SLC10A2: variants seen among roughly 807,000 people sequenced by gnomAD.
The protein encoded by SLC10A2 is solute carrier family 10 member 2.
A neutral mutation model predicts 27.1 loss-of-function variants in SLC10A2; 34 were observed. That is an observed-to-expected ratio of 1.26 (90% CI 0.96 to 1.67). SLC10A2 has a LOEUF of 1.67. Ranked by LOEUF, SLC10A2 falls within the 40% of genes most tolerant of loss-of-function variation. SLC10A2 has a pLI of 0.00. For synonymous variants in SLC10A2, 205 were observed against 174.0 expected (o/e 1.18, Z -1.40); for missense variants, 530 against 444.4 (o/e 1.19, Z -1.73).
At position 103,044,123 on chromosome 13, in the gene SLC10A2, A is replaced by C. The variant is rs1328476299; in HGVS notation, c.*2010T>G. ...ATTCATTTAAAAATAGAGAGCTATC[A>C]TTTTAGAAAGCTCAGCTATTTTTCT... On this transcript the variant is annotated 3_prime_UTR_variant, in exon 6 of 6. Transcript: ENST00000245312. 1 of 152,216 alleles carries C rather than the reference A, an allele frequency of 6.6e-6. No homozygotes were observed. The highest frequency in any genetic ancestry group is 1.5e-5 in the Non-Finnish European group (1 of 68,032). The allele number at this position is 152,216 out of a possible 1,614,324, so 9.4% of individuals were successfully genotyped here. A position where few individuals can be genotyped will look rare whatever the true frequency, so the allele number is the denominator to read the frequency against.
At chr13:103,063,241 T>G (rs1013279694) in intron 1 of SLC10A2, among the ~76,000 whole-genome samples, 4 of 152,180 alleles carry the variant, frequency 2.6e-5, no homozygotes, top group African/African-American at 9.7e-5. Context: ...CACTAGAGAT[T>G]GCAAAATGCG....
intron 2 of SLC10A2, among the ~76,000 whole-genome samples, chr13:103,057,528 G>A (rs1162268738): frequency 2.0e-5 from 3 of 152,146 alleles, no homozygotes; most frequent in African/African-American, 4.8e-5. Context: ...GCAGTTTTCT[G>A]TTGTAACACT....
chr13:103,058,437 C>T (rs1876007559), intron 1 of SLC10A2, 55 bp from the exon 2 acceptor site: 1 of 1,051,638 alleles, frequency 9.5e-7, no homozygotes. Context: ...AGGGAAGATG[C>T]TGTTTTATTT....
In SLC10A2 at chr13:103,045,938, A is replaced by C; in HGVS notation, c.*195T>G. Reference sequence around the variant, plus strand: ...ACATATATAAAACATATACATATATATAGGAAACAATATTTGTCCCATTAA... The same window carrying C: ...ACATATATAAAACATATACATATATCTAGGAAACAATATTTGTCCCATTAA... On this transcript the variant is annotated 3_prime_UTR_variant, in exon 6 of 6. Coordinates refer to ENST00000245312, the MANE Select transcript of SLC10A2 (RefSeq NM_000452.3). 1.8e-6 allele frequency: 1 copy of C among 563,176 alleles called. No individual in the cohort carries two copies. Among genetic ancestry groups the C allele is most frequent in the Admixed American group, 3.0e-5 (1 of 33,090 alleles). 34.9% of individuals were successfully genotyped at this position (563,176 alleles called of 1,614,324 possible). A position where few individuals can be genotyped will look rare whatever the true frequency, so the allele number is the denominator to read the frequency against.
At chr13:103,062,309 C>G (rs1444910886) in intron 1 of SLC10A2, among the ~76,000 whole-genome samples, 1 of 152,156 alleles carries the variant, frequency 6.6e-6, no homozygotes, top group Non-Finnish European at 1.5e-5. Context: ...TGGGTGATTC[C>G]AATTCTGACT....
chr13:103,059,333 A>G lies in SLC10A2; in HGVS notation c.378-951T>C, dbSNP rs192324361. On this transcript the variant is annotated intron_variant, in intron 1 of 5. Coordinates refer to ENST00000245312, the MANE Select transcript of SLC10A2 (RefSeq NM_000452.3). ...CATTGTTTTCTTGGAATCTAATTAA[A>G]CTAAAGAGCTTCTGCACAGCAAAGG... Among the ~76,000 whole-genome samples the G allele has an allele frequency of 2.0e-5, 3 of 152,328 alleles. 1 individual carries two copies. The highest frequency in any genetic ancestry group is 4.4e-5 in the Non-Finnish European group (3 of 68,032).
intron 2 of SLC10A2, among the ~76,000 whole-genome samples, chr13:103,053,120 GTGTGTGTA>G (rs1290719746): frequency 2.3e-5 from 3 of 128,964 alleles, no homozygotes; most frequent in East Asian, 4.6e-4. Flanking sequence ...GTGTGTGTGT[GTGTGTGTA>G]TGGCATACAA....
At chr13:103,061,005 G>A (rs1238088486) in intron 1 of SLC10A2, among the ~76,000 whole-genome samples, 1 of 152,188 alleles carries the variant, frequency 6.6e-6, no homozygotes, top group Non-Finnish European at 1.5e-5. Context: ...GTTCATCAGA[G>A]AGCTTAACTT....
Position 103,062,245 on chromosome 13 carries a change from A to G in SLC10A2, c.377+3628T>C, listed in dbSNP as rs977205457. Among the ~76,000 whole-genome samples, 3 of 152,240 alleles carry G rather than the reference A, an allele frequency of 2.0e-5. No individual in the cohort carries two copies. The South Asian group carries it at 6.2e-4, about 32-fold the overall frequency. On this transcript the variant is annotated intron_variant, in intron 1 of 5. Transcript: ENST00000245312. ...CTAGAAACTGGAGAAGTGAAAAGTG[A>G]TAGAAGCAGTGTAGAGAAAGCTTAT...
chr13:103,065,838 G>T, intron 1 of SLC10A2, 35 bp downstream of exon 1: 2 of 1,610,086 alleles, frequency 1.2e-6, no homozygotes, highest in South Asian at 1.1e-5. Flanking sequence ...TTACTCCAAG[G>T]TGATTGCAGT....
chr13:103,062,471 A>C (rs1876151974), intron 1 of SLC10A2, among the ~76,000 whole-genome samples: 1 of 152,250 alleles, frequency 6.6e-6, no homozygotes, highest in Non-Finnish European at 1.5e-5. Context: ...TGTGCATGGC[A>C]TATACTAGTG....
At chr13:103,046,324 A>G (rs887038310) in intron 5 of SLC10A2, 64 bp from the exon 6 acceptor site, 3 of 1,330,276 alleles carry the variant, frequency 2.3e-6, no homozygotes, top group African/African-American at 1.5e-5. Context: ...ATTACTTTGC[A>G]TAGAGATTAT....
At chr13:103,050,713 T>C (rs1875751856) in intron 4 of SLC10A2, among the ~76,000 whole-genome samples, 1 of 152,164 alleles carries the variant, frequency 6.6e-6, no homozygotes, top group African/African-American at 2.4e-5. Context: ...TCAGAATGAA[T>C]GGGCCTATTT....
Position 103,049,553 on chromosome 13 carries a change from T to A in SLC10A2, c.762-107A>T. 3.6e-6 allele frequency: 4 copies of A among 1,100,512 alleles called. No individual in the cohort carries two copies. The South Asian group carries it at 5.3e-5, about 15-fold the overall frequency. 68.2% of individuals were successfully genotyped at this position (1,100,512 alleles called of 1,614,324 possible). ...TATATATGCATTATGTCTCTGCTTT[T>A]AATGCATGTATTTAAGATAGGCTTA... On this transcript the variant is annotated intron_variant, in intron 4 of 5. Transcript: ENST00000245312.
At chr13:103,060,381 AT>A (rs33930404) in intron 1 of SLC10A2, among the ~76,000 whole-genome samples, 12,375 of 131,342 alleles carry the variant, frequency 0.094, 743 homozygotes, top group African/African-American at 0.18. Flanking sequence ...TGCTACTACC[AT>A]TTTTTTTTTT....
In SLC10A2 at chr13:103,066,327, A is replaced by G. The variant is rs1026668919; in HGVS notation, c.-78T>C. 3 of 1,494,546 alleles carry G rather than the reference A, an allele frequency of 2.0e-6. No homozygotes were observed. Among genetic ancestry groups the G allele is most frequent in the Non-Finnish European group, 2.7e-6 (3 of 1,121,664 alleles). The allele number at this position is 1,494,546 out of a possible 1,614,324, so 92.6% of individuals were successfully genotyped here. A position where few individuals can be genotyped will look rare whatever the true frequency, so the allele number is the denominator to read the frequency against. ...CCCTGGCTCTGCTGCTGGTTGAGTT[A>G]AGCAACGTTTACTTCTACCCCATCA... On this transcript the variant is annotated 5_prime_UTR_variant, in exon 1 of 6. Coordinates refer to ENST00000245312, the MANE Select transcript of SLC10A2 (RefSeq NM_000452.3).
intron 2 of SLC10A2, among the ~76,000 whole-genome samples, chr13:103,053,142 T>C (rs1875840531): frequency 6.6e-6 from 1 of 151,124 alleles, no homozygotes; most frequent in East Asian, 1.9e-4. Flanking sequence ...CATACAAAGA[T>C]GACATTTTAC....
intron 3 of SLC10A2, 111 bp from the exon 4 acceptor site, chr13:103,051,543 A>T: frequency 8.3e-7 from 1 of 1,203,546 alleles, no homozygotes. Context: ...GGAAGTGATG[A>T]TAAAGTTGTC....
At chr13:103,058,828 T>C (rs751866722) in intron 1 of SLC10A2, among the ~76,000 whole-genome samples, 3 of 152,258 alleles carry the variant, frequency 2.0e-5, no homozygotes, top group Non-Finnish European at 4.4e-5. Context: ...ATGGTGTGTA[T>C]GTACCACATT....
Sources: gnomAD v4.1 joint callset for allele counts (sites outside exome capture counted in the v4.1 genomes callset) on GRCh38, gnomAD v4.1.1 for gene constraint, MANE v1.5 for transcripts, NCBI Gene and HGNC (gene_info 2026-07-23, HGNC 2026-07-21) for gene names.